Variants in B4GALNT3 observed in about 807,000 individuals in gnomAD.
The protein encoded by B4GALNT3 is beta-1,4-N-acetyl-galactosaminyltransferase 3.
A neutral mutation model predicts 120.2 loss-of-function variants in B4GALNT3; 86 were observed. That is an observed-to-expected ratio of 0.72 (90% CI 0.60 to 0.86). The LOEUF (loss-of-function observed/expected upper bound fraction) is 0.86, where lower values mean the gene tolerates loss of function less well. B4GALNT3 is among the 40% of genes least tolerant of loss of function. The pLI is 0.00. For synonymous variants in B4GALNT3, 518 were observed against 510.4 expected (o/e 1.01, Z -0.20); for missense variants, 1,167 against 1,298.9 (o/e 0.90, Z 1.56).
Position 556,864 on chromosome 12 carries a change from C to T in B4GALNT3, c.2378C>T (p.Pro793Leu). The T allele has an allele frequency of 6.2e-7, 1 of 1,601,076 alleles. No homozygotes were observed. The highest frequency in any genetic ancestry group is 8.5e-7 in the Non-Finnish European group (1 of 1,170,412). Residue 793 changes from proline (P) to leucine (L), a missense_variant and splice_region_variant, in exon 15 of 20, where the codon CCT (proline) becomes CTT (leucine). Coordinates refer to ENST00000266383, the MANE Select transcript of B4GALNT3 (RefSeq NM_173593.4). ...SHRAVVHFVV[P>L]VKNQARWVQQ... ...CGAGCCGTGGTCCACTTCGTCGTGC[C>T]TGGTGAGCCTCAAGCTGAGCCTCGG...
intron 1 of B4GALNT3, among the ~76,000 whole-genome samples, chr12:487,705 T>A (rs1459208574): frequency 7.6e-6 from 1 of 131,478 alleles, no homozygotes. Flanking sequence ...AGAGCGAGAC[T>A]CTATCTTGAA....
At chr12:496,095 TATGTGTCATGCC>T (rs1196326598) in intron 1 of B4GALNT3, among the ~76,000 whole-genome samples, 32 of 152,264 alleles carry the variant, frequency 2.1e-4, no homozygotes, top group African/African-American at 7.7e-4. Context: ...TATGCCCATA[TATGTGTCATGCC>T]ATGTCCCCTG....
intron 1 of B4GALNT3, among the ~76,000 whole-genome samples, chr12:510,840 A>T (rs1311851121): frequency 6.6e-6 from 1 of 151,920 alleles, no homozygotes; most frequent in African/African-American, 2.4e-5. Flanking sequence ...TGAGTATTCG[A>T]TTCACTGGTG....
At chr12:470,157 G>A (rs1465439210) in intron 1 of B4GALNT3, among the ~76,000 whole-genome samples, 1 of 152,208 alleles carries the variant, frequency 6.6e-6, no homozygotes, top group Non-Finnish European at 1.5e-5. Context: ...AGGGACAGTC[G>A]GAAGGGAATA....
At chr12:525,034 G>T (rs555260075) in intron 1 of B4GALNT3, among the ~76,000 whole-genome samples, 36 of 152,294 alleles carry the variant, frequency 2.4e-4, no homozygotes, top group Non-Finnish European at 4.3e-4. Flanking sequence ...GGTCCCTTTT[G>T]ACATCTTACT....
chr12:466,376 G>A (rs951050314), intron 1 of B4GALNT3, among the ~76,000 whole-genome samples: 2 of 152,274 alleles, frequency 1.3e-5, no homozygotes. Context: ...GCCGCTCGCT[G>A]TCTAGTTCTC....
chr12:483,074 A>ATT (rs200102453), intron 1 of B4GALNT3, among the ~76,000 whole-genome samples: 1 of 149,098 alleles, frequency 6.7e-6, no homozygotes. Flanking sequence ...CATCCAGCTA[A>ATT]TTTTTTTTTT....
rs190651332 is a variant in B4GALNT3 at position 548,801 on chromosome 12, T to C, written c.853+504T>C. ...GGCGCATGCCTGTAGTCACAGCTAC[T>C]GGGAAGGATCGCTTGAGCCCAGGAG... is the stretch of plus-strand genomic sequence containing the variant. On this transcript the variant is annotated intron_variant, in intron 9 of 19. Transcript: ENST00000266383. This position sits in a 1 kb window ranked among gnomAD's most constrained non-coding sequence, Gnocchi z 4.9. 2.6e-5 allele frequency among the ~76,000 whole-genome samples: 4 copies of C among 152,158 alleles called. No homozygotes were observed. The highest frequency in any genetic ancestry group is 9.6e-5 in the African/African-American group (4 of 41,494).
chr12:558,734 A>G (rs1947189790), intron 18 of B4GALNT3, 73 bp downstream of exon 18: 7 of 1,510,456 alleles, frequency 4.6e-6, no homozygotes, highest in Non-Finnish European at 5.4e-6. Context: ...AGCTGGGAAC[A>G]GTCATATCTA....
At chr12:464,106 G>A (rs1946053029) in intron 1 of B4GALNT3, among the ~76,000 whole-genome samples, 1 of 152,166 alleles carries the variant, frequency 6.6e-6, no homozygotes, top group Non-Finnish European at 1.5e-5. Context: ...GAGGGGTCCG[G>A]GTGGCAGTGG....
chr12:465,632 T>C (rs1160922581), intron 1 of B4GALNT3, among the ~76,000 whole-genome samples: 1 of 152,182 alleles, frequency 6.6e-6, no homozygotes, highest in African/African-American at 2.4e-5. Context: ...CCCTGGTCTC[T>C]CAGTCCCTGT....
chr12:473,804 C>T (rs1946159293), intron 1 of B4GALNT3, among the ~76,000 whole-genome samples: 1 of 152,146 alleles, frequency 6.6e-6, no homozygotes, highest in Non-Finnish European at 1.5e-5. Context: ...ACAGAGCATA[C>T]ATTTCTGGTG....
rs150722154 is a variant in B4GALNT3, at chr12:519,821, G to C, written c.170-15345G>C. Among the ~76,000 whole-genome samples the C allele has an allele frequency of 4.3e-3, 659 of 152,290 alleles. 9 individuals carry two copies. Among genetic ancestry groups the C allele is most frequent in the Non-Finnish European group, 3.0e-3 (207 of 68,034 alleles). On this transcript the variant is annotated intron_variant, in intron 1 of 19. Transcript: ENST00000266383. ...AGCAACTGCAGTCTCATCAGCAAAA[G>C]GTGAGTAGAGGTGAGCTCCTCACTC...
At chr12:544,509 C>T in intron 4 of B4GALNT3, 75 bp downstream of exon 4, 20 of 1,320,924 alleles carry the variant, frequency 1.5e-5, no homozygotes, top group Non-Finnish European at 2.0e-5. Context: ...TCTCATCTTT[C>T]CTTACATCTT....
At chr12:545,561 GGT>G in intron 6 of B4GALNT3, 92 bp downstream of exon 6, 1 of 1,266,892 alleles carries the variant, frequency 7.9e-7, no homozygotes, top group Non-Finnish European at 1.1e-6. Context: ...TAGCATCTCT[GGT>G]GTGACAGCGG....
intron 1 of B4GALNT3, among the ~76,000 whole-genome samples, chr12:472,976 CTTTTTTTTTTT>C (rs71439341): frequency 0.41 from 59,414 of 146,698 alleles, 12,393 homozygotes; most frequent in South Asian, 0.48. Flanking sequence ...TGTTCAAACA[CTTTTTTTTTTT>C]TTTTTTTTTG....
chr12:545,387 T>C lies in B4GALNT3; in HGVS notation c.557T>C (p.Ile186Thr). ...TGCCCAGGGAAAATCCAGTTTGCCA[T>C]TGCTGCAGATGACAACGCGGAGTTC... ...PFTDGKIQFAIAADDNAEFWL... is the reference protein window; with the variant it reads ...PFTDGKIQFATAADDNAEFWL... Residue 186 changes from isoleucine to threonine, a missense_variant, in exon 6 of 20, where the codon ATT becomes ACT. By Grantham distance (89) the Ile-to-Thr change is moderately conservative. Around this residue, in one of 3 missense-constraint regions of B4GALNT3, gnomAD observed 983 missense variants for 1,102.5 expected, o/e 0.89. Coordinates refer to ENST00000266383, the MANE Select transcript of B4GALNT3 (RefSeq NM_173593.4). The C allele has an allele frequency of 1.2e-6, 2 of 1,611,680 alleles. No homozygotes were observed. Among genetic ancestry groups the C allele is most frequent in the Non-Finnish European group, 1.7e-6 (2 of 1,179,378 alleles).
chr12:558,055 AG>A lies in B4GALNT3; in HGVS notation c.2575del (p.Ala859LeufsTer7), dbSNP rs1241333386. 3.1e-6 allele frequency: 5 copies of A among 1,613,856 alleles called. No homozygotes were observed. The highest frequency in any genetic ancestry group is 4.2e-6 in the Non-Finnish European group (5 of 1,180,034). ...AGCTAAGTGGAAACTTTGAACGCTC[AG>A]CTGGACTTCAGGCTGGCATAGACCT... is the stretch of plus-strand genomic sequence containing the variant. ...VKLSGNFERS[A>X]GLQAGIDLVK... On this transcript the variant is annotated frameshift_variant, in exon 17 of 20. Coordinates refer to ENST00000266383, the MANE Select transcript of B4GALNT3 (RefSeq NM_173593.4). LOFTEE classifies it high-confidence loss of function.
intron 1 of B4GALNT3, among the ~76,000 whole-genome samples, chr12:507,067 C>T (rs915719613): frequency 1.3e-5 from 2 of 152,192 alleles, no homozygotes; most frequent in South Asian, 2.1e-4. Context: ...CATTAAGCCC[C>T]GGTACATTTG....
Sources: gnomAD v4.1 joint callset for allele counts (sites outside exome capture counted in the v4.1 genomes callset) on GRCh38, gnomAD v4.1.1 for gene constraint, gnomAD v4.1.1 regional missense constraint, Gnocchi (gnomAD v3.1) non-coding constraint, MANE v1.5 for transcripts, NCBI Gene and HGNC (gene_info 2026-07-23, HGNC 2026-07-21) for gene names.